RIT2: variants seen among roughly 807,000 people sequenced by gnomAD.
RIT2 encodes the protein Ras like without CAAX 2.
A neutral mutation model predicts 23.7 loss-of-function variants in RIT2; 24 were observed. The observed-to-expected ratio is 1.01, with a 90% CI of 0.73 to 1.43. The LOEUF is 1.43. RIT2 is among the 40% of genes most tolerant of loss of function. The pLI is 0.00. For synonymous variants in RIT2, 107 were observed against 91.1 expected (o/e 1.17, Z -0.99); for missense variants, 236 against 266.9 (o/e 0.88, Z 0.81).
intron 1 of RIT2, among the ~76,000 whole-genome samples, chr18:43,104,645 C>T (rs1484847906): frequency 6.6e-6 from 1 of 151,890 alleles, no homozygotes; most frequent in African/African-American, 2.4e-5. Flanking sequence ...AATATTTTTC[C>T]ACTGATTTCA....
chr18:43,071,653 C>T (rs1166984175), intron 1 of RIT2, among the ~76,000 whole-genome samples: 1 of 152,246 alleles, frequency 6.6e-6, no homozygotes, highest in East Asian at 1.9e-4. Context: ...ATTATTTTCT[C>T]TTCTGAGATC....
At chr18:42,803,343 G>A (rs1441324916) in intron 4 of RIT2, among the ~76,000 whole-genome samples, 1 of 152,174 alleles carries the variant, frequency 6.6e-6, no homozygotes, top group Non-Finnish European at 1.5e-5. Flanking sequence ...TGAAGTAGAA[G>A]TTTGTTATTC....
At chr18:42,825,489 A>C (rs1598669980) in intron 4 of RIT2, among the ~76,000 whole-genome samples, 1 of 152,040 alleles carries the variant, frequency 6.6e-6, no homozygotes, top group South Asian at 2.1e-4. Flanking sequence ...ACATCTTTAA[A>C]GTATACATTG....
chr18:42,849,058 G>A (rs569217198), intron 4 of RIT2, among the ~76,000 whole-genome samples: 2 of 152,186 alleles, frequency 1.3e-5, no homozygotes, highest in East Asian at 1.9e-4. Flanking sequence ...TGAGTTACCT[G>A]CTATTTTCAG....
chr18:43,050,949 T>C (rs1568067434), intron 1 of RIT2, among the ~76,000 whole-genome samples: 1 of 152,118 alleles, frequency 6.6e-6, no homozygotes, highest in African/African-American at 2.4e-5. Context: ...CATAAGTAAG[T>C]GTCTCCCTGA....
At chr18:42,787,919 T>A (rs1913957146) in intron 4 of RIT2, among the ~76,000 whole-genome samples, 1 of 151,760 alleles carries the variant, frequency 6.6e-6, no homozygotes, top group Non-Finnish European at 1.5e-5. Flanking sequence ...TTAAAATGTA[T>A]TCGTTTATTT....
At chr18:42,996,736 T>A (rs1910993692) in intron 2 of RIT2, among the ~76,000 whole-genome samples, 1 of 152,100 alleles carries the variant, frequency 6.6e-6, no homozygotes, top group South Asian at 2.1e-4. Context: ...TCAGCCTGCC[T>A]GCACCCAGGT....
At chr18:42,955,547 T>C (rs1211935008) in intron 3 of RIT2, among the ~76,000 whole-genome samples, 2 of 152,198 alleles carry the variant, frequency 1.3e-5, no homozygotes, top group Admixed American at 6.5e-5. Context: ...TATGATTTCA[T>C]GGCTTTCCAT....
intron 4 of RIT2, among the ~76,000 whole-genome samples, chr18:42,762,142 A>T (rs1913316864): frequency 6.6e-6 from 1 of 152,200 alleles, no homozygotes; most frequent in Non-Finnish European, 1.5e-5. Context: ...TGTGAATTTT[A>T]TATCTTTTAG....
At chr18:42,957,637 A>T (rs201945520) in intron 3 of RIT2, among the ~76,000 whole-genome samples, 1 of 152,110 alleles carries the variant, frequency 6.6e-6, no homozygotes, top group East Asian at 1.9e-4. Flanking sequence ...TGCAAAAATT[A>T]GCCAGGCATG....
intron 4 of RIT2, among the ~76,000 whole-genome samples, chr18:42,780,058 T>G (rs2143930162): frequency 7.4e-6 from 1 of 135,822 alleles, no homozygotes; most frequent in African/African-American, 2.7e-5. Context: ...TTTTTTTTTT[T>G]TTTTTTTTTT....
chr18:42,993,236 C>A (rs1167057500), intron 2 of RIT2, among the ~76,000 whole-genome samples: 1 of 152,198 alleles, frequency 6.6e-6, no homozygotes, highest in Non-Finnish European at 1.5e-5. Flanking sequence ...TGGGACCCCA[C>A]TGAAAGTTGG....
At chr18:43,036,294 C>T (rs906271577) in intron 1 of RIT2, among the ~76,000 whole-genome samples, 9 of 152,196 alleles carry the variant, frequency 5.9e-5, no homozygotes, top group African/African-American at 2.2e-4. Context: ...AATCCTAGCG[C>T]TTTGGGAGGC....
intron 4 of RIT2, among the ~76,000 whole-genome samples, chr18:42,829,145 G>A (rs1007861708): frequency 1.3e-5 from 2 of 152,214 alleles, no homozygotes; most frequent in East Asian, 3.9e-4. Context: ...CCAGAAGCCT[G>A]ACTATCCTCT....
intron 4 of RIT2, among the ~76,000 whole-genome samples, chr18:42,802,834 T>TTGAAA (rs1215789775): frequency 6.6e-6 from 1 of 152,234 alleles, no homozygotes; most frequent in Non-Finnish European, 1.5e-5. Context: ...GTCAGGCATT[T>TTGAAA]TGAAATGTTA....
chr18:43,114,713 C>T (rs769416180), intron 1 of RIT2, among the ~76,000 whole-genome samples: 7 of 152,128 alleles, frequency 4.6e-5, no homozygotes, highest in Non-Finnish European at 1.0e-4. Context: ...AGAATCCCAA[C>T]AACTGACACT....
At chr18:42,754,603 A>T (rs1567987930) in intron 4 of RIT2, among the ~76,000 whole-genome samples, 1 of 152,118 alleles carries the variant, frequency 6.6e-6, no homozygotes, top group African/African-American at 2.4e-5. Flanking sequence ...TGTGCAGCTT[A>T]TCATCCTTGA....
chr18:42,992,521 C>T (rs554407919), intron 2 of RIT2, among the ~76,000 whole-genome samples: 2 of 152,200 alleles, frequency 1.3e-5, no homozygotes, highest in South Asian at 4.1e-4. Context: ...TTTCTACAGA[C>T]CCATCTGACC....
chr18:43,034,368 A>G (rs1911928068), intron 1 of RIT2, among the ~76,000 whole-genome samples: 1 of 152,128 alleles, frequency 6.6e-6, no homozygotes, highest in East Asian at 1.9e-4. Context: ...AAATTATTTC[A>G]GTTACTTTTA....
Sources: allele counts gnomAD v4.1 joint callset (sites outside exome capture counted in the v4.1 genomes callset), GRCh38; gene constraint gnomAD v4.1.1; transcripts MANE v1.5; gene names NCBI Gene and HGNC (gene_info 2026-07-23, HGNC 2026-07-21).